PALM2AKAP2: variants seen among roughly 807,000 people sequenced by gnomAD.
PALM2AKAP2 encodes the protein PALM2 and AKAP2 fusion, also known as PALM2-AKAP2 fusion protein.
A neutral mutation model predicts 71.5 loss-of-function variants in PALM2AKAP2; 37 were observed. The ratio of observed to expected loss-of-function variants is 0.52; its 90% CI spans 0.40 to 0.68. The LOEUF (loss-of-function observed/expected upper bound fraction) is 0.68, where lower values mean the gene tolerates loss of function less well. PALM2AKAP2 is among the 30% of genes least tolerant of loss of function. The probability of loss-of-function intolerance (pLI) is 0.00; values close to 1 mark genes in which losing one functional copy is unlikely to be tolerated. For synonymous variants in PALM2AKAP2, 468 were observed against 478.8 expected, an observed-to-expected ratio of 0.98 and a Z score of 0.29; for missense variants, 1,224 against 1,191.8, an observed-to-expected ratio of 1.03 and a Z score of -0.40.
At chr9:110,105,801 C>A (rs1050331106) in intron 1 of PALM2AKAP2, among the ~76,000 whole-genome samples, 2 of 152,144 alleles carry the variant, frequency 1.3e-5, no homozygotes, top group African/African-American at 4.8e-5. Context: ...TTACAAGTAT[C>A]CTTTTAGACT....
At chr9:109,926,495 C>T (rs1830958726) in intron 5 of PALM2AKAP2, among the ~76,000 whole-genome samples, 1 of 152,016 alleles carries the variant, frequency 6.6e-6, no homozygotes, top group South Asian at 2.1e-4. Flanking sequence ...GGGGGTGGGG[C>T]ACGGATTGAG....
chr9:110,148,589 G>A (rs958647096), intron 2 of PALM2AKAP2: 2 of 152,148 alleles, frequency 1.3e-5, no homozygotes, highest in African/African-American at 4.8e-5. Context: ...ATGCAAGTCT[G>A]AGCTCATTTC....
intron 1 of PALM2AKAP2, chr9:109,847,740 C>CA (rs58547004): frequency 0.66 from 92,918 of 140,880 alleles, 30,521 homozygotes; most frequent in East Asian, 0.76. Flanking sequence ...GACTCCATCT[C>CA]AAAAAAAAAA....
intron 1 of PALM2AKAP2, among the ~76,000 whole-genome samples, chr9:110,063,606 A>ATT (rs150451097): frequency 5.8e-4 from 87 of 150,854 alleles, no homozygotes; most frequent in African/African-American, 2.1e-3. Flanking sequence ...CGCCCAGCTA[A>ATT]TTTTTTTTTG....
intron 2 of PALM2AKAP2, among the ~76,000 whole-genome samples, chr9:109,877,892 A>G (rs1829754616): frequency 1.3e-5 from 2 of 152,250 alleles, no homozygotes; most frequent in Non-Finnish European, 2.9e-5. Flanking sequence ...AAGCAAAGCA[A>G]TAATCATTCT....
chr9:109,985,162 C>A (rs1169880602), intron 6 of PALM2AKAP2, among the ~76,000 whole-genome samples: 3 of 151,962 alleles, frequency 2.0e-5, no homozygotes, highest in African/African-American at 7.3e-5. Context: ...GGTGACAGAG[C>A]AAGACTCCGT....
At chr9:109,690,908 G>A (rs1827873538) in intron 1 of PALM2AKAP2, among the ~76,000 whole-genome samples, 1 of 152,096 alleles carries the variant, frequency 6.6e-6, no homozygotes, top group South Asian at 2.1e-4. Flanking sequence ...TTCAGCATAT[G>A]CACACTGGCC....
chr9:109,992,937 A>ATG (rs1272439313), intron 6 of PALM2AKAP2, among the ~76,000 whole-genome samples: 1 of 107,406 alleles, frequency 9.3e-6, no homozygotes, highest in African/African-American at 3.1e-5. Flanking sequence ...ATTCATATAT[A>ATG]TGTATATATA....
chr9:109,696,228 G>A (rs578149506), intron 1 of PALM2AKAP2, among the ~76,000 whole-genome samples: 3 of 152,058 alleles, frequency 2.0e-5, no homozygotes, highest in African/African-American at 7.2e-5. Context: ...ATGTCATCAA[G>A]AGCACTCATG....
chr9:109,746,331 C>A (rs1033553720), intron 1 of PALM2AKAP2, among the ~76,000 whole-genome samples: 3 of 152,146 alleles, frequency 2.0e-5, no homozygotes, highest in African/African-American at 7.2e-5. Flanking sequence ...GAAAAGCTAG[C>A]CAGATAACTC....
intron 1 of PALM2AKAP2, among the ~76,000 whole-genome samples, chr9:109,780,787 T>C (rs1305664144): frequency 1.3e-5 from 2 of 152,138 alleles, no homozygotes; most frequent in Non-Finnish European, 1.5e-5. Context: ...TGCTGGGCTT[T>C]GGGGAAGGAC....
intron 1 of PALM2AKAP2, among the ~76,000 whole-genome samples, chr9:110,053,550 A>C (rs1023169628): frequency 2.1e-5 from 3 of 145,178 alleles, no homozygotes; most frequent in Non-Finnish European, 4.5e-5. Flanking sequence ...AAAAAAAAAG[A>C]AAAAAAGAAA....
intron 3 of PALM2AKAP2, among the ~76,000 whole-genome samples, chr9:109,909,162 G>GCA (rs35019823): frequency 0.042 from 5,937 of 142,930 alleles, 234 homozygotes; most frequent in East Asian, 0.18. Flanking sequence ...ACGCGCGCAC[G>GCA]CACACACACA....
At chr9:109,754,658 G>A (rs1373729744) in intron 1 of PALM2AKAP2, among the ~76,000 whole-genome samples, 6 of 149,992 alleles carry the variant, frequency 4.0e-5, no homozygotes, top group African/African-American at 1.5e-4. Context: ...AGATCAGGGT[G>A]CCAGCTTGGT....
At chr9:109,676,390 A>G (rs565622743) in intron 1 of PALM2AKAP2, among the ~76,000 whole-genome samples, 1 of 152,300 alleles carries the variant, frequency 6.6e-6, no homozygotes, top group Non-Finnish European at 1.5e-5. Context: ...AGGCACCTTA[A>G]TGAAGATAGG....
At chr9:109,780,594 G>C (rs1829427359) in intron 1 of PALM2AKAP2, 61 bp downstream of exon 1, 1 of 1,607,950 alleles carries the variant, frequency 6.2e-7, no homozygotes, top group African/African-American at 1.3e-5. Flanking sequence ...GGGCCCCCGA[G>C]GGTTTCGGGG....
chr9:109,737,689 T>C (rs1460439714), intron 1 of PALM2AKAP2, among the ~76,000 whole-genome samples: 1 of 152,170 alleles, frequency 6.6e-6, no homozygotes. Flanking sequence ...ACAAGAACAA[T>C]AACTAGTTAG....
chr9:109,852,002 C>A (rs1402707826), intron 1 of PALM2AKAP2, among the ~76,000 whole-genome samples: 1 of 152,120 alleles, frequency 6.6e-6, no homozygotes, highest in Non-Finnish European at 1.5e-5. Flanking sequence ...AGACTTAATC[C>A]TACCTGGTTC....
chr9:109,752,114 T>C (rs1410108023), intron 1 of PALM2AKAP2, among the ~76,000 whole-genome samples: 1 of 152,156 alleles, frequency 6.6e-6, no homozygotes, highest in Non-Finnish European at 1.5e-5. Flanking sequence ...GGTGCTGTAG[T>C]GCATATCTCT....
Sources: allele counts gnomAD v4.1 joint callset (sites outside exome capture counted in the v4.1 genomes callset), GRCh38; gene constraint gnomAD v4.1.1; transcripts MANE v1.5; gene names NCBI Gene and HGNC (gene_info 2026-07-23, HGNC 2026-07-21).